Variants in SLC22A12 observed in about 807,000 individuals in gnomAD.
SLC22A12 encodes the protein solute carrier family 22 member 12, also known as organic anion transporter 4-like protein.
In SLC22A12, 56 loss-of-function variants were observed where a neutral mutation model predicts 52.7. The observed-to-expected ratio is 1.06, with a 90% CI of 0.86 to 1.33. The LOEUF (loss-of-function observed/expected upper bound fraction) is 1.33, where lower values mean the gene tolerates loss of function less well. Ranked by LOEUF, SLC22A12 falls within the 40% of genes most tolerant of loss-of-function variation. The pLI is 0.00. For synonymous variants in SLC22A12, 337 were observed against 324.6 expected, an observed-to-expected ratio of 1.04 and a Z score of -0.41; for missense variants, 683 against 741.5, an observed-to-expected ratio of 0.92 and a Z score of 0.92.
chr11:64,593,145 G>T (rs1214148864), intron 2 of SLC22A12, among the ~76,000 whole-genome samples: 2 of 152,244 alleles, frequency 1.3e-5, no homozygotes, highest in Non-Finnish European at 2.9e-5. Context: ...TGCTAAAACT[G>T]GCTTGGCCAT....
Position 64,592,833 on chromosome 11 carries a change from C to T in SLC22A12, c.457C>T (p.Leu153=). The change falls in exon 2 of 10, where the codon CTG becomes TTG. Residue 153 remains leucine (L), a synonymous_variant. Coordinates refer to ENST00000377574, the MANE Select transcript of SLC22A12 (RefSeq NM_144585.4). ...GAAGCCCATGGCCCAGTCCATCTAC[C>T]TGGCTGGGATTCTGGTGGGAGCTGC... The part of the protein sequence containing the change: ...ALKPMAQSIY[L]AGILVGAAAC... The T allele has an allele frequency of 6.2e-7, 1 of 1,613,976 alleles. No homozygotes were observed. Among genetic ancestry groups the T allele is most frequent in the Non-Finnish European group, 8.5e-7 (1 of 1,179,990 alleles).
Position 64,600,884 on chromosome 11 carries a change from T to C in SLC22A12, c.1544T>C (p.Leu515Pro). The change falls in exon 9 of 10, where the codon CTG becomes CCG. Residue 515 changes from leucine (L) to proline (P), a missense_variant. Physicochemically the swap from Leu to Pro is moderately conservative, Grantham distance 98 (BLOSUM62 -3). Coordinates refer to ENST00000377574, the MANE Select transcript of SLC22A12 (RefSeq NM_144585.4). ...CTGAGTGGCCTGGCCGCACTGCTTC[T>C]GCCCGAGACCCAGAGCTTGCCGCTG... The part of the protein sequence containing the change: ...PVLSGLAALL[L>P]PETQSLPLPD... 1 of 1,609,692 alleles carries C rather than the reference T, an allele frequency of 6.2e-7. No individual in the cohort carries two copies. Among genetic ancestry groups the C allele is most frequent in the Non-Finnish European group, 8.5e-7 (1 of 1,179,970 alleles).
At chr11:64,597,913 G>C (rs1307711526) in intron 4 of SLC22A12, among the ~76,000 whole-genome samples, 1 of 152,180 alleles carries the variant, frequency 6.6e-6, no homozygotes, top group Non-Finnish European at 1.5e-5. Context: ...CAGGTGCGAG[G>C]GGTCCTGGAG....
In SLC22A12 at chr11:64,599,846, TGCTGGCAGG is replaced by T; in HGVS notation, c.1245_1253del (p.Ala416_Leu418del). ...CGCCCCACGCTGGCCGCATCCCTGTTGCTGGCAGGGCTCTGCATTCTGGCCAACACGCTG... is the reference window on the plus strand; with the variant it reads ...CGCCCCACGCTGGCCGCATCCCTGTTGCTCTGCATTCTGGCCAACACGCTG... On this transcript the variant is annotated inframe_deletion, in exon 7 of 10. Coordinates refer to ENST00000377574, the MANE Select transcript of SLC22A12 (RefSeq NM_144585.4). The T allele has an allele frequency of 2.5e-6, 4 of 1,612,658 alleles. No individual in the cohort carries two copies. The highest frequency in any genetic ancestry group is 1.7e-6 in the Non-Finnish European group (2 of 1,179,814).
chr11:64,599,607 G>A (rs1391780075), intron 6 of SLC22A12, 69 bp from the exon 7 acceptor site: 2 of 240,570 alleles, frequency 8.3e-6, no homozygotes. Context: ...ACCGCCCATT[G>A]TTCCCACCCT....
chr11:64,593,991 C>T (rs2039006531), intron 4 of SLC22A12, among the ~76,000 whole-genome samples, 188 bp downstream of exon 4: 1 of 152,198 alleles, frequency 6.6e-6, no homozygotes, highest in African/African-American at 2.4e-5. Context: ...TCAACCAGGG[C>T]TTGGGTCCCC....
In SLC22A12 at chr11:64,591,670, G is replaced by T. The variant is rs1270272689; in HGVS notation, c.114G>T (p.Glu38Asp). Reference sequence around the variant, plus strand: ...GGCTGTGTACCCAGAGCATGCTGGAGAACTTCTCGGCCGCCGTGCCCAGCC... The same window carrying T: ...GGCTGTGTACCCAGAGCATGCTGGATAACTTCTCGGCCGCCGTGCCCAGCC... ...IMWLCTQSML[E>D]NFSAAVPSHR... The change falls in exon 1 of 10, where the codon GAG becomes GAT. Residue 38 changes from glutamate to aspartate, a missense_variant. Coordinates refer to ENST00000377574, the MANE Select transcript of SLC22A12 (RefSeq NM_144585.4). 3 of 1,612,852 alleles carry T rather than the reference G, an allele frequency of 1.9e-6. No individual in the cohort carries two copies. The highest frequency in any genetic ancestry group is 1.1e-5 in the South Asian group (1 of 91,084).
At chr11:64,600,559 C>A in intron 8 of SLC22A12, 84 bp downstream of exon 8, 1 of 1,379,028 alleles carries the variant, frequency 7.3e-7, no homozygotes, top group Non-Finnish European at 9.9e-7. Flanking sequence ...TTCTCCCAGA[C>A]CTAGATGTTC....
Position 64,598,652 on chromosome 11 carries a change from C to A in SLC22A12, c.954+13C>A. 1.9e-6 allele frequency: 3 copies of A among 1,608,338 alleles called. No individual in the cohort carries two copies. The highest frequency in any genetic ancestry group is 2.5e-6 in the Non-Finnish European group (3 of 1,177,914). On this transcript the variant is annotated intron_variant, in intron 5 of 9. Coordinates refer to ENST00000377574, the MANE Select transcript of SLC22A12 (RefSeq NM_144585.4). ...CCTGACCCCTGAGGTAAGGCTGGGTCCTCCTCAAACCCGGACCCTCAGACC... is the reference window on the plus strand; with the variant it reads ...CCTGACCCCTGAGGTAAGGCTGGGTACTCCTCAAACCCGGACCCTCAGACC...
intron 4 of SLC22A12, among the ~76,000 whole-genome samples, chr11:64,597,948 C>A (rs939604563): frequency 2.6e-5 from 4 of 152,084 alleles, no homozygotes; most frequent in Non-Finnish European, 5.9e-5. Context: ...TGACAGGGTG[C>A]GGCCAGAGGG....
intron 2 of SLC22A12, among the ~76,000 whole-genome samples, chr11:64,593,090 A>T (rs549746681): frequency 2.6e-5 from 4 of 152,068 alleles, no homozygotes; most frequent in African/African-American, 9.6e-5. Flanking sequence ...CACCAACTTT[A>T]CTCTGGGGGT....
intron 4 of SLC22A12, 126 bp from the exon 5 acceptor site, chr11:64,598,389 TC>T: frequency 7.3e-7 from 1 of 1,372,594 alleles, no homozygotes; most frequent in Non-Finnish European, 1.0e-6. Flanking sequence ...ACAACGCCCT[TC>T]GGGGTCCTCA....
chr11:64,599,853 A>C lies in SLC22A12; in HGVS notation c.1248A>C (p.Ala416=). 1.2e-6 allele frequency: 2 copies of C among 1,612,810 alleles called. No individual in the cohort carries two copies. The highest frequency in any genetic ancestry group is 1.7e-6 in the Non-Finnish European group (2 of 1,179,918). The change falls in exon 7 of 10, where the codon GCA becomes GCC. Residue 416 remains alanine, a synonymous_variant. Coordinates refer to ENST00000377574, the MANE Select transcript of SLC22A12 (RefSeq NM_144585.4). The stretch of plus-strand genomic sequence containing the variant: ...CGCTGGCCGCATCCCTGTTGCTGGC[A>C]GGGCTCTGCATTCTGGCCAACACGC... ...RPTLAASLLL[A]GLCILANTLV...
In SLC22A12 at chr11:64,599,729, G is replaced by C. The variant is rs2039388287; in HGVS notation, c.1124G>C (p.Gly375Ala). Residue 375 changes from glycine to alanine, a missense_variant, in exon 7 of 10, where the codon GGC becomes GCC. Transcript: ENST00000377574. ...CTGGCCCTGGACCTGCAGGCCCTGG[G>C]CAGCAACATCTTCCTGCTCCAAATG... The part of the protein sequence containing the change: ...FGLALDLQAL[G>A]SNIFLLQMFI... 1.9e-6 allele frequency: 3 copies of C among 1,611,986 alleles called. No individual in the cohort carries two copies. Among genetic ancestry groups the C allele is most frequent in the Non-Finnish European group, 1.7e-6 (2 of 1,179,636 alleles).
Position 64,593,518 on chromosome 11 carries a change from C to A in SLC22A12, c.620C>A (p.Ala207Asp). 6.2e-7 allele frequency: 1 copy of A among 1,614,190 alleles called. No individual in the cohort carries two copies. Among genetic ancestry groups the A allele is most frequent in the African/African-American group, 1.3e-5 (1 of 75,074 alleles). Residue 207 changes from alanine (A) to aspartate (D), a missense_variant, in exon 3 of 10, where the codon GCC becomes GAC. Coordinates refer to ENST00000377574, the MANE Select transcript of SLC22A12 (RefSeq NM_144585.4). ...PVYCLFRFLLAFAVAGVMMNT... is the reference protein window; with the variant it reads ...PVYCLFRFLLDFAVAGVMMNT... ...TACTGCCTGTTCCGCTTCCTGTTGG[C>A]CTTTGCCGTGGCAGGCGTCATGATG...
intron 4 of SLC22A12, among the ~76,000 whole-genome samples, chr11:64,597,820 T>C (rs1341044083): frequency 6.6e-6 from 1 of 151,784 alleles, no homozygotes; most frequent in Non-Finnish European, 1.5e-5. Flanking sequence ...CTGAGGGTAG[T>C]GGGAGACAGG....
At chr11:64,599,236 C>A (rs1591401320) in intron 6 of SLC22A12, among the ~76,000 whole-genome samples, 1 of 152,158 alleles carries the variant, frequency 6.6e-6, no homozygotes, top group Non-Finnish European at 1.5e-5. Context: ...AGCACCCCTG[C>A]CTGGTGTGGG....
Position 64,593,670 on chromosome 11 carries a change from G to T in SLC22A12, c.697G>T (p.Val233Leu). ...EWTAARARPL[V>L]MTLNSLGFSF... The stretch of plus-strand genomic sequence containing the variant: ...GACGGCGGCACGGGCCCGACCCTTG[G>T]TGATGACCTTGAACTCTCTGGGCTT... The change falls in exon 4 of 10, where the codon GTG (valine) becomes TTG (leucine). Residue 233 changes from valine (V) to leucine (L), a missense_variant. Coordinates refer to ENST00000377574, the MANE Select transcript of SLC22A12 (RefSeq NM_144585.4). 6.2e-7 allele frequency: 1 copy of T among 1,614,192 alleles called. No individual in the cohort carries two copies. Among genetic ancestry groups the T allele is most frequent in the Non-Finnish European group, 8.5e-7 (1 of 1,180,048 alleles).
At chr11:64,599,613 A>AC (rs1413231001) in intron 6 of SLC22A12, 63 bp from the exon 7 acceptor site, 25 of 23,352 alleles carry the variant, frequency 1.1e-3, no homozygotes, top group South Asian at 1.8e-3. Context: ...CATTGTTCCC[A>AC]CCCTGCCCAC....
Sources: allele counts gnomAD v4.1 joint callset (sites outside exome capture counted in the v4.1 genomes callset), GRCh38; gene constraint gnomAD v4.1.1; transcripts MANE v1.5; gene names NCBI Gene and HGNC (gene_info 2026-07-23, HGNC 2026-07-21).